SUCLG2: variants seen among roughly 807,000 people sequenced by gnomAD.
SUCLG2 encodes the protein succinate--CoA ligase [GDP-forming] subunit beta, mitochondrial.
Under a neutral mutation model 47.9 loss-of-function variants are expected in SUCLG2, and 42 were observed. The observed-to-expected ratio is 0.88, with a 90% confidence interval of 0.69 to 1.14. SUCLG2 has a LOEUF of 1.14. Among genes scored for constraint, SUCLG2 ranks in the 50% most tolerant of loss-of-function variants. SUCLG2 has a pLI of 0.00. For missense variants in SUCLG2, 571 were observed against 525.9 expected (o/e 1.09, Z -0.84); for synonymous variants, 195 against 197.3 (o/e 0.99, Z 0.10).
intron 9 of SUCLG2, among the ~76,000 whole-genome samples, chr3:67,490,544 T>A (rs1249901126): frequency 1.3e-5 from 2 of 152,206 alleles, no homozygotes; most frequent in African/African-American, 4.8e-5. Context: ...CTGAGTCACT[T>A]ACACCTTCCA....
At chr3:67,500,501 T>C (rs964441035) in intron 7 of SUCLG2, among the ~76,000 whole-genome samples, 5 of 137,212 alleles carry the variant, frequency 3.6e-5, no homozygotes, top group African/African-American at 1.1e-4. Context: ...TTGTGAATGG[T>C]TGGAGTGAAT....
intron 10 of SUCLG2, among the ~76,000 whole-genome samples, chr3:67,397,417 C>T (rs139125037): frequency 0.088 from 13,326 of 151,996 alleles, 681 homozygotes; most frequent in East Asian, 0.15. Context: ...CTCCCATTCA[C>T]AATTGCTTCA....
At chr3:67,641,280 G>C (rs1701095850) in intron 1 of SUCLG2, among the ~76,000 whole-genome samples, 1 of 152,168 alleles carries the variant, frequency 6.6e-6, no homozygotes, top group Non-Finnish European at 1.5e-5. Flanking sequence ...AGGAAACAAT[G>C]TTTTAGTTGG....
At chr3:67,493,111 A>G (rs1705243378) in intron 9 of SUCLG2, among the ~76,000 whole-genome samples, 1 of 152,286 alleles carries the variant, frequency 6.6e-6, no homozygotes, top group South Asian at 2.1e-4. Context: ...GCTCTCAGGA[A>G]CCTCTACTTT....
intron 5 of SUCLG2, among the ~76,000 whole-genome samples, chr3:67,518,751 T>G (rs138916536): frequency 7.2e-5 from 11 of 152,350 alleles, no homozygotes; most frequent in African/African-American, 2.6e-4. Flanking sequence ...TTAAACACTC[T>G]ATTGATGATA....
At chr3:67,379,100 C>T (rs1044748450) in intron 10 of SUCLG2, among the ~76,000 whole-genome samples, 1 of 152,116 alleles carries the variant, frequency 6.6e-6, no homozygotes, top group African/African-American at 2.4e-5. Flanking sequence ...GCAGTGGCCA[C>T]CTCTCCCAAC....
At chr3:67,533,511 T>C (rs1575760072) in intron 2 of SUCLG2, among the ~76,000 whole-genome samples, 1 of 152,186 alleles carries the variant, frequency 6.6e-6, no homozygotes, top group South Asian at 2.1e-4. Flanking sequence ...TTGAGAAAGT[T>C]AAATTGTATT....
intron 9 of SUCLG2, among the ~76,000 whole-genome samples, chr3:67,413,136 G>C (rs1396884545): frequency 8.8e-6 from 1 of 113,892 alleles, no homozygotes; most frequent in East Asian, 2.6e-4. Flanking sequence ...TTAGCTGTCT[G>C]GATCTACACC....
intron 9 of SUCLG2, among the ~76,000 whole-genome samples, chr3:67,471,963 A>G (rs1169618372): frequency 9.2e-6 from 1 of 108,752 alleles, no homozygotes. Flanking sequence ...ATATGCATAC[A>G]CCTTCCTATG....
At chr3:67,518,007 G>A (rs1205502615) in intron 6 of SUCLG2, among the ~76,000 whole-genome samples, 1 of 152,150 alleles carries the variant, frequency 6.6e-6, no homozygotes, top group African/African-American at 2.4e-5. Flanking sequence ...TGAAGTGTAT[G>A]TGTCCACATG....
At chr3:67,426,935 A>T (rs952978494) in intron 9 of SUCLG2, among the ~76,000 whole-genome samples, 2 of 152,178 alleles carry the variant, frequency 1.3e-5, no homozygotes, top group Non-Finnish European at 2.9e-5. Flanking sequence ...CAAAAAAAAA[A>T]GTGGCAAAAT....
At chr3:67,648,057 C>G (rs1257712374) in intron 1 of SUCLG2, among the ~76,000 whole-genome samples, 1 of 152,180 alleles carries the variant, frequency 6.6e-6, no homozygotes. Flanking sequence ...ATCCTGGGCC[C>G]ACCATCGGGT....
At chr3:67,496,911 T>C (rs1168262321) in intron 8 of SUCLG2, among the ~76,000 whole-genome samples, 1 of 152,114 alleles carries the variant, frequency 6.6e-6, no homozygotes, top group East Asian at 1.9e-4. Context: ...AAATTTGGAG[T>C]AACTAAAATA....
chr3:67,534,370 G>T (rs936586959), intron 2 of SUCLG2, among the ~76,000 whole-genome samples: 1 of 151,850 alleles, frequency 6.6e-6, no homozygotes, highest in South Asian at 2.1e-4. Flanking sequence ...TTTAATTTTA[G>T]TCCCTATAAA....
chr3:67,388,059 G>GT (rs199725802), intron 10 of SUCLG2, among the ~76,000 whole-genome samples: 2,351 of 152,190 alleles, frequency 0.015, 69 homozygotes, highest in African/African-American at 0.052. Flanking sequence ...CTTAGTAAAA[G>GT]TAGCCATCAG....
At chr3:67,523,303 T>C (rs1199977828) in intron 4 of SUCLG2, among the ~76,000 whole-genome samples, 1 of 152,166 alleles carries the variant, frequency 6.6e-6, no homozygotes, top group South Asian at 2.1e-4. Flanking sequence ...TAGTTAAAAA[T>C]AAAATATATA....
intron 9 of SUCLG2, among the ~76,000 whole-genome samples, chr3:67,419,345 A>G (rs1703103153): frequency 6.6e-6 from 1 of 152,202 alleles, no homozygotes; most frequent in East Asian, 1.9e-4. Flanking sequence ...AACTTACAAG[A>G]TACAGTTCTG....
intron 1 of SUCLG2, among the ~76,000 whole-genome samples, chr3:67,648,978 G>A (rs554573296): frequency 1.3e-5 from 2 of 152,116 alleles, no homozygotes; most frequent in South Asian, 2.1e-4. Flanking sequence ...CGGGGAAGAC[G>A]GCCAATGAAC....
At chr3:67,534,667 T>C (rs1706489803) in intron 2 of SUCLG2, among the ~76,000 whole-genome samples, 2 of 150,684 alleles carry the variant, frequency 1.3e-5, no homozygotes, top group Middle Eastern at 3.5e-3. Flanking sequence ...GCTCTTTTCA[T>C]GTAGTTTAAT....
Sources: allele counts gnomAD v4.1 joint callset (sites outside exome capture counted in the v4.1 genomes callset), GRCh38; gene constraint gnomAD v4.1.1; transcripts MANE v1.5; gene names NCBI Gene and HGNC (gene_info 2026-07-23, HGNC 2026-07-21).